Variants in SLC24A3 observed in about 807,000 individuals in gnomAD.
SLC24A3 encodes the protein sodium/potassium/calcium exchanger 3.
SLC24A3 carries 28 observed loss-of-function variants against 75.8 expected under a neutral mutation model. That is an observed-to-expected ratio of 0.37 (90% CI 0.27 to 0.51). The LOEUF (loss-of-function observed/expected upper bound fraction) is 0.51. Ranked by LOEUF, SLC24A3 falls within the 20% of genes least tolerant of loss-of-function variation. The pLI is 0.94. For synonymous variants in SLC24A3, 372 were observed against 334.1 expected (o/e 1.11, Z -1.24); for missense variants, 663 against 847.8 (o/e 0.78, Z 2.71).
intron 3 of SLC24A3, among the ~76,000 whole-genome samples, chr20:19,543,243 C>A (rs1364109487): frequency 1.3e-5 from 2 of 152,156 alleles, no homozygotes; most frequent in African/African-American, 4.8e-5. Context: ...CAGGAAGTAG[C>A]CACATGCATG....
At chr20:19,591,153 G>T (rs2031370952) in intron 6 of SLC24A3, among the ~76,000 whole-genome samples, 1 of 152,130 alleles carries the variant, frequency 6.6e-6, no homozygotes, top group South Asian at 2.1e-4. Flanking sequence ...GCTCTGTGCT[G>T]CTCTGTTTTC....
rs763313573 is a variant in SLC24A3, at chr20:19,685,104, A to G, written c.1067A>G (p.Gln356Arg). The part of the protein sequence containing the change: ...MASRMLINER[Q>R]RLINSRAYTN... Reference sequence around the variant, plus strand: ...AGTGCGCCTTTCTCTTTCCAGAGACAAAGATTGATAAACAGCAGGGCTTAT... The same window carrying G: ...AGTGCGCCTTTCTCTTTCCAGAGACGAAGATTGATAAACAGCAGGGCTTAT... Residue 356 changes from glutamine to arginine, a missense_variant, in exon 12 of 17, where the codon CAA (glutamine) becomes CGA (arginine). Gln to Arg is a conservative substitution (Grantham distance 43, BLOSUM62 1). This residue lies in a region of SLC24A3 where 510 missense variants were observed against 703.6 expected (regional missense o/e 0.72). Transcript: ENST00000328041. 1.2e-6 allele frequency: 2 copies of G among 1,603,036 alleles called. No homozygotes were observed. The highest frequency in any genetic ancestry group is 4.5e-5 in the East Asian group (2 of 44,604).
At chr20:19,720,556 C>T (rs2033093754) in intron 16 of SLC24A3, among the ~76,000 whole-genome samples, 1 of 148,416 alleles carries the variant, frequency 6.7e-6, no homozygotes, top group Admixed American at 6.7e-5. Context: ...AGGAACTTCT[C>T]ACCTCCAGAC....
chr20:19,581,163 G>A (rs1764957978), intron 4 of SLC24A3, among the ~76,000 whole-genome samples: 1 of 152,220 alleles, frequency 6.6e-6, no homozygotes, highest in Admixed American at 6.5e-5. Flanking sequence ...AATTGAGGTG[G>A]CATCTGAAAT....
At chr20:19,309,454 A>G (rs931690388) in intron 2 of SLC24A3, among the ~76,000 whole-genome samples, 13 of 152,100 alleles carry the variant, frequency 8.5e-5, no homozygotes, top group African/African-American at 2.9e-4. Flanking sequence ...AAGTGTCAAC[A>G]CCTCTTGGAA....
In SLC24A3 at chr20:19,485,823, C is replaced by T. The variant is rs1453963521; in HGVS notation, c.272-29665C>T. 3.3e-5 allele frequency among the ~76,000 whole-genome samples: 5 copies of T among 152,006 alleles called. No homozygotes were observed. In the South Asian group the frequency reaches 8.4e-4, roughly 25 times the overall value. ...CTAGAATCTCAACAGAAACAAAGTG[C>T]CCCCCATGGGAGAAAGAGATCCCCC... On this transcript the variant is annotated intron_variant, in intron 2 of 16. Coordinates refer to ENST00000328041, the MANE Select transcript of SLC24A3 (RefSeq NM_020689.4).
intron 2 of SLC24A3, among the ~76,000 whole-genome samples, chr20:19,482,375 G>A (rs1437083626): frequency 6.6e-6 from 1 of 151,994 alleles, no homozygotes; most frequent in Non-Finnish European, 1.5e-5. Flanking sequence ...TGGAACAGTG[G>A]TCCTCCACAT....
Position 19,220,693 on chromosome 20 carries a change from T to C in SLC24A3, c.142+7709T>C, listed in dbSNP as rs1981684817. Among the ~76,000 whole-genome samples the C allele has an allele frequency of 2.0e-5, 3 of 152,232 alleles. No individual in the cohort carries two copies. In the South Asian group the frequency reaches 6.2e-4, roughly 31 times the overall value. The stretch of plus-strand genomic sequence containing the variant: ...TGCATGAGGGTAAACATTACATCTA[T>C]GGTTAGCTCCGTGCTTCTCAGTCTT... On this transcript the variant is annotated intron_variant, in intron 1 of 16. Transcript: ENST00000328041.
intron 2 of SLC24A3, among the ~76,000 whole-genome samples, chr20:19,349,606 G>C (rs138260169): frequency 1.3e-5 from 2 of 152,140 alleles, no homozygotes; most frequent in Admixed American, 6.5e-5. Flanking sequence ...TTGCCTATTC[G>C]ATGGGATGGC....
At chr20:19,645,047 T>A (rs912831724) in intron 6 of SLC24A3, among the ~76,000 whole-genome samples, 1 of 152,254 alleles carries the variant, frequency 6.6e-6, no homozygotes, top group African/African-American at 2.4e-5. Context: ...ACCGCAGTTA[T>A]CTCAGAGCTC....
chr20:19,229,726 A>G (rs781107718), intron 1 of SLC24A3, among the ~76,000 whole-genome samples: 1 of 152,134 alleles, frequency 6.6e-6, no homozygotes, highest in Non-Finnish European at 1.5e-5. Context: ...CCCTTGGAAC[A>G]TGAACTGTTT....
chr20:19,474,489 T>TC (rs1345656024), intron 2 of SLC24A3, among the ~76,000 whole-genome samples: 9 of 152,232 alleles, frequency 5.9e-5, no homozygotes, highest in Admixed American at 5.9e-4. Flanking sequence ...TAGGGGTTTA[T>TC]CCTGGTGATA....
intron 6 of SLC24A3, among the ~76,000 whole-genome samples, chr20:19,652,466 A>G (rs930446815): frequency 6.6e-6 from 1 of 152,308 alleles, no homozygotes; most frequent in Middle Eastern, 3.4e-3. Context: ...AGATTCTAAG[A>G]GTTTACAGTA....
intron 2 of SLC24A3, among the ~76,000 whole-genome samples, chr20:19,450,924 G>A (rs1052870532): frequency 6.6e-6 from 1 of 152,122 alleles, no homozygotes; most frequent in African/African-American, 2.4e-5. Context: ...ACTTGAACCT[G>A]GGAAGTGGAA....
chr20:19,556,619 C>T (rs1012443573), intron 3 of SLC24A3, among the ~76,000 whole-genome samples: 9 of 149,914 alleles, frequency 6.0e-5, no homozygotes, highest in African/African-American at 2.0e-4. Context: ...AGCTTGGTGG[C>T]TCAAACAACT....
chr20:19,715,498 TG>T (rs1474577528), intron 15 of SLC24A3, among the ~76,000 whole-genome samples: 1 of 152,212 alleles, frequency 6.6e-6, no homozygotes, highest in Admixed American at 6.5e-5. Context: ...ATGTTCCAGC[TG>T]GGGGCCAGCA....
intron 3 of SLC24A3, 90 bp downstream of exon 3, chr20:19,515,654 C>G (rs1487673114): frequency 7.7e-7 from 1 of 1,296,642 alleles, no homozygotes; most frequent in African/African-American, 1.5e-5. Flanking sequence ...CCAGTAGATT[C>G]TCTCTGCCCT....
intron 2 of SLC24A3, among the ~76,000 whole-genome samples, chr20:19,286,268 G>T (rs1203952834): frequency 6.6e-6 from 1 of 152,166 alleles, no homozygotes; most frequent in African/African-American, 2.4e-5. Flanking sequence ...AATGTGAGCT[G>T]CAGTTGACGA....
intron 2 of SLC24A3, among the ~76,000 whole-genome samples, chr20:19,470,930 T>G (rs1987860046): frequency 6.6e-6 from 1 of 150,622 alleles, no homozygotes; most frequent in African/African-American, 2.4e-5. Flanking sequence ...ACTGTGGGGG[T>G]TCGAAGCAGG....
Sources: gnomAD v4.1 joint callset for allele counts (sites outside exome capture counted in the v4.1 genomes callset) on GRCh38, gnomAD v4.1.1 for gene constraint, gnomAD v4.1.1 regional missense constraint, MANE v1.5 for transcripts, NCBI Gene and HGNC (gene_info 2026-07-23, HGNC 2026-07-21) for gene names.